The following DNAI1 variants were observed in gnomAD, a reference collection of about 807,000 sequenced individuals.
The protein encoded by DNAI1 is dynein axonemal intermediate chain 1.
In DNAI1, 67 loss-of-function variants were observed where a neutral mutation model predicts 92.0. That is an observed-to-expected ratio of 0.73 (90% confidence interval 0.60 to 0.89). The LOEUF (loss-of-function observed/expected upper bound fraction) is 0.89. Among genes scored for constraint, DNAI1 ranks in the 40% least tolerant of loss-of-function variants. The pLI, the probability that DNAI1 is intolerant of heterozygous loss-of-function variation, is 0.00. For synonymous variants in DNAI1, 323 were observed against 319.6 expected, an observed-to-expected ratio of 1.01 and a Z score of -0.11; for missense variants, 839 against 866.6, an observed-to-expected ratio of 0.97 and a Z score of 0.40.
At chr9:34,460,133 A>G (rs928729865) in intron 1 of DNAI1, among the ~76,000 whole-genome samples, 2 of 152,192 alleles carry the variant, frequency 1.3e-5, no homozygotes, top group African/African-American at 4.8e-5. Flanking sequence ...CCCTTCTCAC[A>G]GGAAACCCGA....
At chr9:34,507,688 C>T (rs921209008) in intron 13 of DNAI1, among the ~76,000 whole-genome samples, 6 of 152,352 alleles carry the variant, frequency 3.9e-5, no homozygotes, top group Admixed American at 6.5e-5. Flanking sequence ...CAACTCCGCA[C>T]GGGGCCTTTC....
At chr9:34,484,924 A>AC in intron 2 of DNAI1, 1 of 516,134 alleles carries the variant, frequency 1.9e-6, no homozygotes, top group Non-Finnish European at 3.5e-6. Context: ...GCTAAGCCTG[A>AC]CCCCCAGGGC....
At position 34,512,385 on chromosome 9, in the gene DNAI1, A is replaced by G. The variant is rs1160494478; in HGVS notation, c.1450A>G (p.Thr484Ala). The G allele has an allele frequency of 6.2e-7, 1 of 1,614,162 alleles. No individual in the cohort carries two copies. Among genetic ancestry groups the G allele is most frequent in the Non-Finnish European group, 8.5e-7 (1 of 1,180,020 alleles). Residue 484 changes from threonine to alanine, a missense_variant, in exon 15 of 20, where the codon ACC (threonine) becomes GCC (alanine). Transcript: ENST00000242317. The part of the protein sequence containing the change: ...DVIKLKVEGS[T>A]TEVPEGLQLH... ...CATCAAGCTGAAGGTGGAAGGCAGC[A>G]CCACGGAAGTTCCTGAGGGGTTGCA...
At chr9:34,478,678 A>C (rs1490679733) in intron 1 of DNAI1, 1 of 152,176 alleles carries the variant, frequency 6.6e-6, no homozygotes, top group Non-Finnish European at 1.5e-5. Flanking sequence ...GCAGGGCTAA[A>C]TTGTCTGCCA....
chr9:34,481,577 T>C (rs983998813), intron 1 of DNAI1, among the ~76,000 whole-genome samples: 10 of 152,238 alleles, frequency 6.6e-5, no homozygotes, highest in African/African-American at 1.2e-4. Flanking sequence ...GTGAGTGTTA[T>C]AGCTCTTAAG....
intron 12 of DNAI1, among the ~76,000 whole-genome samples, chr9:34,503,486 T>C (rs1171436452): frequency 6.6e-6 from 1 of 152,228 alleles, no homozygotes; most frequent in Non-Finnish European, 1.5e-5. Context: ...TTTGGGTTTG[T>C]AGTTGGATTT....
chr9:34,491,610 C>T, intron 8 of DNAI1, 56 bp downstream of exon 8: 2 of 1,597,574 alleles, frequency 1.3e-6, no homozygotes, highest in Non-Finnish European at 1.7e-6. Flanking sequence ...GTATCCTTTC[C>T]TCATTTAGCA....
chr9:34,489,557 CAT>C, intron 5 of DNAI1, 108 bp downstream of exon 5: 1 of 1,366,942 alleles, frequency 7.3e-7, no homozygotes, highest in Non-Finnish European at 1.0e-6. Flanking sequence ...CTTCTGCTAA[CAT>C]AAACTCCAGG....
chr9:34,517,201 CCCAGGAAGT>C lies in DNAI1; in HGVS notation c.1819-78_1819-70del, dbSNP rs1366698822. 11 of 1,475,668 alleles carry C rather than the reference CCCAGGAAGT, an allele frequency of 7.5e-6. No individual in the cohort carries two copies. In the East Asian group the frequency reaches 9.6e-5, roughly 13 times the overall value. The allele number at this position is 1,475,668 out of a possible 1,614,324, so 91.4% of individuals were successfully genotyped here. On this transcript the variant is annotated intron_variant, in intron 18 of 19. Coordinates refer to ENST00000242317, the MANE Select transcript of DNAI1 (RefSeq NM_012144.4). Reference sequence around the variant, plus strand: ...AGCCATTAGCCTTCTACAGTCTTTCCCCAGGAAGTCCAGGGACTCATTCCTCTGAGGTGG... The same window carrying C: ...AGCCATTAGCCTTCTACAGTCTTTCCCCAGGGACTCATTCCTCTGAGGTGG...
chr9:34,502,238 G>A (rs900125950), intron 12 of DNAI1, among the ~76,000 whole-genome samples: 15 of 152,312 alleles, frequency 9.8e-5, no homozygotes, highest in Middle Eastern at 3.4e-3. Flanking sequence ...GGTCTGGGCC[G>A]CCTTTGAGGA....
At chr9:34,506,600 C>A in intron 12 of DNAI1, 27 bp from the exon 13 acceptor site, 1 of 1,614,010 alleles carries the variant, frequency 6.2e-7, no homozygotes, top group South Asian at 1.1e-5. Context: ...GATCCTCCAA[C>A]CTCAGCCGCC....
At chr9:34,479,887 C>G (rs10972133) in intron 1 of DNAI1, among the ~76,000 whole-genome samples, 3,489 of 152,260 alleles carry the variant, frequency 0.023, 104 homozygotes, top group East Asian at 0.12. Flanking sequence ...TCCTTTCCTC[C>G]CTTCCACCCT....
In DNAI1 at chr9:34,506,820, G is replaced by A. The variant is rs1269512745; in HGVS notation, c.1257G>A (p.Gln419=). ...AIYNLKKPHS[Q]PSFCSSAKSG... Reference sequence around the variant, plus strand: ...ACAACCTCAAGAAGCCCCACTCCCAGCCCTCCTTCTGCAGCTCAGCCAAGT... The same window carrying A: ...ACAACCTCAAGAAGCCCCACTCCCAACCCTCCTTCTGCAGCTCAGCCAAGT... Residue 419 remains glutamine, a synonymous_variant, in exon 13 of 20, where the codon CAG becomes CAA. Transcript: ENST00000242317. The A allele has an allele frequency of 6.2e-7, 1 of 1,614,148 alleles. No homozygotes were observed. The highest frequency in any genetic ancestry group is 1.7e-5 in the Admixed American group (1 of 60,028).
chr9:34,462,631 G>C (rs1588086313), intron 1 of DNAI1, among the ~76,000 whole-genome samples: 1 of 152,174 alleles, frequency 6.6e-6, no homozygotes, highest in Non-Finnish European at 1.5e-5. Flanking sequence ...GATGGGAAGG[G>C]GTGAAGCTGG....
intron 1 of DNAI1, chr9:34,478,671 G>A (rs1178223517): frequency 4.6e-5 from 7 of 152,226 alleles, no homozygotes; most frequent in Admixed American, 3.9e-4. Context: ...TTGATCCGCA[G>A]GGCTAAATTG....
At chr9:34,471,694 C>CAGGAGGCGG (rs1375871546) in intron 1 of DNAI1, among the ~76,000 whole-genome samples, 1 of 151,858 alleles carries the variant, frequency 6.6e-6, no homozygotes, top group Non-Finnish European at 1.5e-5. Flanking sequence ...TGCTTGAATC[C>CAGGAGGCGG]AGGAGGCGGA....
chr9:34,477,683 A>G (rs755868512), intron 1 of DNAI1, among the ~76,000 whole-genome samples: 10 of 152,144 alleles, frequency 6.6e-5, no homozygotes, highest in Non-Finnish European at 1.3e-4. Flanking sequence ...GAAAGGGCAA[A>G]TATCTTTAAT....
At chr9:34,481,678 T>C (rs1348147555) in intron 1 of DNAI1, among the ~76,000 whole-genome samples, 1 of 152,058 alleles carries the variant, frequency 6.6e-6, no homozygotes, top group Non-Finnish European at 1.5e-5. Context: ...GGCTCAGGAG[T>C]GAAGCTGCAG....
intron 8 of DNAI1, 75 bp from the exon 9 acceptor site, chr9:34,493,119 T>C (rs1824641520): frequency 6.2e-7 from 1 of 1,605,010 alleles, no homozygotes; most frequent in African/African-American, 1.3e-5. Context: ...ATTCCTTAAG[T>C]CTTGAAGGCT....
Sources: gnomAD v4.1 joint callset for allele counts (sites outside exome capture counted in the v4.1 genomes callset) on GRCh38, gnomAD v4.1.1 for gene constraint, MANE v1.5 for transcripts, NCBI Gene and HGNC (gene_info 2026-07-23, HGNC 2026-07-21) for gene names.